Variants in OSBP2 observed in about 807,000 individuals in gnomAD.
The protein encoded by OSBP2 is oxysterol binding protein 2.
Under a neutral mutation model 96.0 loss-of-function variants are expected in OSBP2, and 66 were observed. That is an observed-to-expected ratio of 0.69 (90% confidence interval 0.56 to 0.84). OSBP2 has a LOEUF of 0.84. OSBP2 is among the 40% of genes least tolerant of loss of function. OSBP2 has a pLI of 0.00. For synonymous variants in OSBP2, 525 were observed against 520.9 expected, an observed-to-expected ratio of 1.01 and a Z score of -0.11; for missense variants, 1,038 against 1,222.7, an observed-to-expected ratio of 0.85 and a Z score of 2.25.
At chr22:30,849,875 G>T (rs1432772826) in intron 2 of OSBP2, among the ~76,000 whole-genome samples, 2 of 152,096 alleles carry the variant, frequency 1.3e-5, no homozygotes, top group Non-Finnish European at 2.9e-5. Flanking sequence ...GTTCCATTTT[G>T]AATTAGTTTT....
In OSBP2 at chr22:30,716,377, A is replaced by G. The variant is rs545277101; in HGVS notation, c.644+20824A>G. Among the ~76,000 whole-genome samples, 4 of 152,130 alleles carry G rather than the reference A, an allele frequency of 2.6e-5. No individual in the cohort carries two copies. The South Asian group carries it at 8.3e-4, about 32-fold the overall frequency. On this transcript the variant is annotated intron_variant, in intron 1 of 13. Coordinates refer to ENST00000332585, the MANE Select transcript of OSBP2 (RefSeq NM_030758.4). ...TCATATGCTTGTTGATCGTTTGTATAACATCTTTAGAGAAATGTCTGTTCA... is the reference window on the plus strand; with the variant it reads ...TCATATGCTTGTTGATCGTTTGTATGACATCTTTAGAGAAATGTCTGTTCA...
At chr22:30,747,503 A>G (rs1268594453) in intron 2 of OSBP2, among the ~76,000 whole-genome samples, 1 of 152,198 alleles carries the variant, frequency 6.6e-6, no homozygotes, top group Non-Finnish European at 1.5e-5. Flanking sequence ...TAATAAAAAT[A>G]AAATGATTCA....
chr22:30,748,579 C>T (rs1407632154), intron 2 of OSBP2, among the ~76,000 whole-genome samples: 2 of 152,058 alleles, frequency 1.3e-5, no homozygotes, highest in African/African-American at 4.8e-5. Context: ...GCCATGACAC[C>T]CTTGGCAGCA....
intron 2 of OSBP2, among the ~76,000 whole-genome samples, chr22:30,862,634 C>A (rs1217524864): frequency 6.8e-6 from 1 of 146,360 alleles, no homozygotes. Context: ...GAGCCGAGAT[C>A]GTGCCACTGT....
At chr22:30,902,808 TG>T in intron 12 of OSBP2, 2 of 390,314 alleles carry the variant, frequency 5.1e-6, no homozygotes, top group East Asian at 6.5e-5. Flanking sequence ...GAATGGAACA[TG>T]GGGGGTTGGA....
intron 1 of OSBP2, among the ~76,000 whole-genome samples, chr22:30,696,798 C>T (rs924655732): frequency 3.9e-5 from 6 of 151,938 alleles, no homozygotes; most frequent in Admixed American, 6.6e-5. Flanking sequence ...GGATTACAGG[C>T]GCCCGTCACC....
intron 2 of OSBP2, among the ~76,000 whole-genome samples, chr22:30,851,147 C>T (rs985348290): frequency 2.0e-5 from 3 of 152,092 alleles, no homozygotes; most frequent in African/African-American, 7.2e-5. Flanking sequence ...CTGCAACTTC[C>T]TCCTCCCAGG....
chr22:30,764,252 T>G (rs777013849), intron 2 of OSBP2: 3 of 985,098 alleles, frequency 3.0e-6, no homozygotes, highest in Non-Finnish European at 3.6e-6. Context: ...GCTCTGCCCT[T>G]AGAGCAACTA....
chr22:30,776,390 G>C (rs1197688933), intron 2 of OSBP2, among the ~76,000 whole-genome samples: 1 of 152,092 alleles, frequency 6.6e-6, no homozygotes, highest in Non-Finnish European at 1.5e-5. Flanking sequence ...CTCCCAACAT[G>C]CTGGGATTAT....
chr22:30,771,908 A>T (rs1184258831), intron 2 of OSBP2, among the ~76,000 whole-genome samples: 1 of 152,184 alleles, frequency 6.6e-6, no homozygotes, highest in African/African-American at 2.4e-5. Flanking sequence ...CATGGAAAGG[A>T]CAGAGGCTGT....
At chr22:30,719,377 A>G (rs2089510693) in intron 1 of OSBP2, among the ~76,000 whole-genome samples, 1 of 152,062 alleles carries the variant, frequency 6.6e-6, no homozygotes, top group South Asian at 2.1e-4. Context: ...GAGATGTGCC[A>G]TGAATGGGAA....
intron 2 of OSBP2, among the ~76,000 whole-genome samples, chr22:30,784,576 T>C (rs923236636): frequency 3.9e-5 from 6 of 152,018 alleles, no homozygotes; most frequent in African/African-American, 1.4e-4. Context: ...ATGCTTTTAA[T>C]TGTATCCTTC....
intron 1 of OSBP2, among the ~76,000 whole-genome samples, chr22:30,705,424 G>A (rs1341905161): frequency 5.9e-5 from 9 of 152,102 alleles, no homozygotes; most frequent in Admixed American, 5.9e-4. Flanking sequence ...CTCTCGAGTA[G>A]CTGGAATTAC....
intron 1 of OSBP2, among the ~76,000 whole-genome samples, chr22:30,738,230 G>A (rs2089884818): frequency 6.6e-6 from 1 of 151,902 alleles, no homozygotes; most frequent in Admixed American, 6.6e-5. Flanking sequence ...TCACCTGGTG[G>A]TCTTTGCCCC....
At chr22:30,874,929 C>T (rs2039545708) in intron 3 of OSBP2, among the ~76,000 whole-genome samples, 2 of 152,220 alleles carry the variant, frequency 1.3e-5, no homozygotes, top group South Asian at 4.1e-4. Context: ...ACTTAATCCA[C>T]TGTTTCAATC....
rs548155281 is a variant in OSBP2 at position 30,753,507 on chromosome 22, T to C, written c.853+12138T>C. 1.2e-3 allele frequency among the ~76,000 whole-genome samples: 179 copies of C among 152,206 alleles called. 1 individual carries two copies. Among genetic ancestry groups the C allele is most frequent in the Non-Finnish European group, 2.2e-3 (149 of 68,002 alleles). On this transcript the variant is annotated intron_variant, in intron 2 of 13. Transcript: ENST00000332585. ...GGAGACAGCTCCGTGCTCCTTCCCT[T>C]GAAGCTGAGGGTATTGGCCTGGGCA... is the stretch of plus-strand genomic sequence containing the variant.
At chr22:30,694,138 GA>G, upstream of OSBP2, 1 of 1,550,060 alleles carries the variant, frequency 6.5e-7, no homozygotes, top group East Asian at 2.4e-5. Flanking sequence ...TCCAAGTTCA[GA>G]ATCCCACTTT....
intron 1 of OSBP2, among the ~76,000 whole-genome samples, chr22:30,710,273 A>T (rs754672119): frequency 6.6e-6 from 1 of 152,188 alleles, no homozygotes; most frequent in Non-Finnish European, 1.5e-5. Context: ...GAAGAGCAGA[A>T]TCAGTGCTTG....
Position 30,906,379 on chromosome 22 carries a change from G to A in OSBP2, c.*40G>A. 2 of 1,548,310 alleles carry A rather than the reference G, an allele frequency of 1.3e-6. No homozygotes were observed. Among genetic ancestry groups the A allele is most frequent in the Non-Finnish European group, 1.7e-6 (2 of 1,147,802 alleles). On this transcript the variant is annotated 3_prime_UTR_variant, in exon 14 of 14. Transcript: ENST00000332585. ...ACAAATACAGGCGCCTGCACAGCCT[G>A]GCCCACCTGTTCATTAATGCACTCA...
Sources: gnomAD v4.1 joint callset for allele counts (sites outside exome capture counted in the v4.1 genomes callset) on GRCh38, gnomAD v4.1.1 for gene constraint, MANE v1.5 for transcripts, NCBI Gene and HGNC (gene_info 2026-07-23, HGNC 2026-07-21) for gene names.